Variants in NALF1 observed in about 807,000 individuals in gnomAD.
NALF1 encodes family with sequence similarity 155 member A.
In NALF1, 3 loss-of-function variants were observed where a neutral mutation model predicts 48.4. The ratio of observed to expected loss-of-function variants is 0.06; its 90% confidence interval spans 0.03 to 0.16. The LOEUF (loss-of-function observed/expected upper bound fraction) is 0.16. NALF1 is among the 10% of genes least tolerant of loss of function. NALF1 has a pLI of 1.00. For missense variants in NALF1, 526 were observed against 571.5 expected (o/e 0.92, Z 0.81); for synonymous variants, 262 against 245.7 (o/e 1.07, Z -0.62).
intron 1 of NALF1, among the ~76,000 whole-genome samples, chr13:107,293,043 C>T (rs375200890): frequency 1.1e-4 from 16 of 139,466 alleles, no homozygotes; most frequent in African/African-American, 3.0e-4. Flanking sequence ...TGCAGTGGCA[C>T]GATCTCAGCT....
At chr13:107,191,087 C>A (rs1879269456) in intron 2 of NALF1, among the ~76,000 whole-genome samples, 1 of 152,126 alleles carries the variant, frequency 6.6e-6, no homozygotes, top group South Asian at 2.1e-4. Flanking sequence ...GTTACAGGGC[C>A]AGGTAGAGTG....
At chr13:107,794,405 G>A (rs894549755) in intron 1 of NALF1, among the ~76,000 whole-genome samples, 1 of 151,390 alleles carries the variant, frequency 6.6e-6, no homozygotes, top group African/African-American at 2.4e-5. Context: ...CTGGAAAGAG[G>A]GAGACAAGGT....
chr13:107,497,464 A>T (rs565043804), intron 1 of NALF1, among the ~76,000 whole-genome samples: 2 of 152,200 alleles, frequency 1.3e-5, no homozygotes, highest in African/African-American at 4.8e-5. Flanking sequence ...TTACATGGCT[A>T]TATGGTCATC....
intron 1 of NALF1, among the ~76,000 whole-genome samples, chr13:107,319,046 G>A (rs1023161273): frequency 1.3e-5 from 2 of 152,086 alleles, no homozygotes; most frequent in African/African-American, 4.8e-5. Context: ...GTTCAGTTTG[G>A]TAAGTCACAG....
chr13:107,222,425 T>C (rs1389448071), intron 1 of NALF1, among the ~76,000 whole-genome samples: 1 of 152,206 alleles, frequency 6.6e-6, no homozygotes, highest in Non-Finnish European at 1.5e-5. Context: ...ACATGAACTG[T>C]TATATAATGT....
intron 1 of NALF1, among the ~76,000 whole-genome samples, chr13:107,510,150 C>T (rs1009951178): frequency 1.3e-5 from 2 of 152,064 alleles, no homozygotes; most frequent in South Asian, 2.1e-4. Flanking sequence ...ATCCATATCC[C>T]GGTAGAACAC....
Position 107,587,400 on chromosome 13 carries a change from T to C in NALF1, c.915+278282A>G, listed in dbSNP as rs369133869. Among the ~76,000 whole-genome samples, 10 of 152,302 alleles carry C rather than the reference T, an allele frequency of 6.6e-5. No homozygotes were observed. In the East Asian group the frequency reaches 1.9e-3, roughly 29 times the overall value. ...CTGCTAAACTATATCTTTCAGGGTA[T>C]TCTTTCCCTATTTCAATTGTGACTT... On this transcript the variant is annotated intron_variant, in intron 1 of 2. Transcript: ENST00000375915.
intron 1 of NALF1, among the ~76,000 whole-genome samples, chr13:107,629,172 A>G (rs1951899): frequency 0.65 from 98,378 of 152,062 alleles, 32,553 homozygotes; most frequent in East Asian, 0.99. Context: ...ACTATGAAAT[A>G]TGCATATTTA....
intron 1 of NALF1, among the ~76,000 whole-genome samples, chr13:107,414,863 T>A (rs1249187588): frequency 3.3e-5 from 5 of 151,798 alleles, no homozygotes; most frequent in African/African-American, 1.2e-4. Flanking sequence ...GAAGTGGGAG[T>A]CATAAATATT....
intron 1 of NALF1, among the ~76,000 whole-genome samples, chr13:107,378,467 C>T (rs1235378563): frequency 1.3e-5 from 2 of 151,810 alleles, no homozygotes; most frequent in Admixed American, 6.6e-5. Context: ...TAATGAAAAA[C>T]TACACGTTCA....
At chr13:107,490,751 C>T (rs1885402600) in intron 1 of NALF1, among the ~76,000 whole-genome samples, 5 of 152,050 alleles carry the variant, frequency 3.3e-5, no homozygotes, top group Non-Finnish European at 7.4e-5. Flanking sequence ...ATAGTCGTCA[C>T]ACACTTGGGG....
At chr13:107,324,782 A>G (rs185282654) in intron 1 of NALF1, among the ~76,000 whole-genome samples, 6 of 152,348 alleles carry the variant, frequency 3.9e-5, no homozygotes, top group Admixed American at 3.9e-4. Context: ...TAAAGAAATT[A>G]TAATTCATTA....
At chr13:107,826,067 C>A (rs886225297) in intron 1 of NALF1, among the ~76,000 whole-genome samples, 1 of 152,224 alleles carries the variant, frequency 6.6e-6, no homozygotes, top group Non-Finnish European at 1.5e-5. Context: ...GCGTGAGCCA[C>A]CATGCCCAGC....
At chr13:107,213,597 A>T (rs1254365282) in intron 1 of NALF1, among the ~76,000 whole-genome samples, 1 of 152,232 alleles carries the variant, frequency 6.6e-6, no homozygotes, top group Non-Finnish European at 1.5e-5. Context: ...GCTACTTAAG[A>T]GATTAAGGAT....
chr13:107,606,040 C>T (rs911597544), intron 1 of NALF1, among the ~76,000 whole-genome samples: 3 of 152,148 alleles, frequency 2.0e-5, no homozygotes, highest in African/African-American at 7.2e-5. Context: ...CCCTACAGCA[C>T]ACAAGTCTTC....
At chr13:107,311,509 G>GT (rs1882045123) in intron 1 of NALF1, among the ~76,000 whole-genome samples, 1 of 151,266 alleles carries the variant, frequency 6.6e-6, no homozygotes. Flanking sequence ...AGACAAAAGG[G>GT]TTTTCTTAAC....
intron 1 of NALF1, among the ~76,000 whole-genome samples, chr13:107,487,744 T>A (rs1184753759): frequency 6.6e-6 from 1 of 152,156 alleles, no homozygotes; most frequent in Non-Finnish European, 1.5e-5. Flanking sequence ...AGTTTTCTTT[T>A]TTTGTTGTGC....
intron 2 of NALF1, among the ~76,000 whole-genome samples, chr13:107,199,886 C>T (rs549894939): frequency 6.6e-5 from 10 of 152,216 alleles, no homozygotes; most frequent in Non-Finnish European, 1.0e-4. Flanking sequence ...TGGGCGGGAG[C>T]ATTGCAGGCT....
At chr13:107,437,192 T>C (rs997855758) in intron 1 of NALF1, among the ~76,000 whole-genome samples, 2 of 151,968 alleles carry the variant, frequency 1.3e-5, no homozygotes, top group Non-Finnish European at 2.9e-5. Context: ...TGAAACACCA[T>C]CACATACTCA....
Sources: gnomAD v4.1 joint callset for allele counts (sites outside exome capture counted in the v4.1 genomes callset) on GRCh38, gnomAD v4.1.1 for gene constraint, MANE v1.5 for transcripts, NCBI Gene and HGNC (gene_info 2026-07-23, HGNC 2026-07-21) for gene names.